RNF180: variants seen among roughly 807,000 people sequenced by gnomAD.
RNF180 encodes the protein ring finger protein 180, also known as E3 ubiquitin-protein ligase RNF180.
In RNF180, 38 loss-of-function variants were observed where a neutral mutation model predicts 59.2. The observed-to-expected ratio is 0.64, with a 90% CI of 0.50 to 0.84. The LOEUF (loss-of-function observed/expected upper bound fraction) is 0.84, where lower values mean the gene tolerates loss of function less well. Among genes scored for constraint, RNF180 ranks in the 40% least tolerant of loss-of-function variants. The pLI, the probability that RNF180 is intolerant of heterozygous loss-of-function variation, is 0.00. For missense variants in RNF180, 705 were observed against 700.9 expected (o/e 1.01, Z -0.07); for synonymous variants, 262 against 240.3 (o/e 1.09, Z -0.84).
chr5:64,266,792 T>C (rs1183897556), intron 5 of RNF180, among the ~76,000 whole-genome samples: 1 of 152,084 alleles, frequency 6.6e-6, no homozygotes, highest in Non-Finnish European at 1.5e-5. Flanking sequence ...GACAGATAGA[T>C]GTGTATTTAT....
chr5:64,244,277 G>A (rs540118362), intron 5 of RNF180, among the ~76,000 whole-genome samples: 1 of 152,170 alleles, frequency 6.6e-6, no homozygotes, highest in African/African-American at 2.4e-5. Flanking sequence ...CAGAAGGTGG[G>A]TAATAACAAA....
chr5:64,264,878 C>G (rs948487136), intron 5 of RNF180, among the ~76,000 whole-genome samples: 7 of 152,196 alleles, frequency 4.6e-5, no homozygotes, highest in Non-Finnish European at 8.8e-5. Context: ...TTCACATCCT[C>G]TCCAGCATCT....
intron 7 of RNF180, among the ~76,000 whole-genome samples, chr5:64,367,580 ATAAACT>A (rs1272801478): frequency 1.3e-5 from 2 of 151,632 alleles, no homozygotes; most frequent in Non-Finnish European, 3.0e-5. Flanking sequence ...TAATTTCCAA[ATAAACT>A]TAATACATAA....
At chr5:64,254,239 T>A (rs923335485) in intron 5 of RNF180, among the ~76,000 whole-genome samples, 3 of 152,190 alleles carry the variant, frequency 2.0e-5, no homozygotes, top group African/African-American at 4.8e-5. Context: ...TGTTTTAAGA[T>A]GCTAGTTAAG....
chr5:64,349,031 G>A (rs964103915), intron 7 of RNF180, among the ~76,000 whole-genome samples: 1 of 152,018 alleles, frequency 6.6e-6, no homozygotes, highest in Non-Finnish European at 1.5e-5. Context: ...AAAAAAGATT[G>A]CTAAATAAGT....
chr5:64,225,556 C>T (rs1374798623), intron 5 of RNF180, among the ~76,000 whole-genome samples: 1 of 142,426 alleles, frequency 7.0e-6, no homozygotes, highest in Non-Finnish European at 1.5e-5. Flanking sequence ...GCGCCTCTGC[C>T]TGGCTGCCCC....
At position 64,213,661 on chromosome 5, in the gene RNF180, CTG is replaced by C; in HGVS notation, c.337_338del (p.Val113ThrfsTer8). On this transcript the variant is annotated frameshift_variant, in exon 4 of 8. Transcript: ENST00000389100. LOFTEE classifies it high-confidence loss of function. ...AAATGTTCCTGTGGCCAGCTTGCAG[CTG>C]TACATCTCTCCAAGAGCCGGACTGA... The C allele has an allele frequency of 6.2e-7, 1 of 1,614,164 alleles. No individual in the cohort carries two copies.
intron 1 of RNF180, among the ~76,000 whole-genome samples, chr5:64,168,156 A>G (rs1749748747): frequency 6.6e-6 from 1 of 152,214 alleles, no homozygotes; most frequent in Admixed American, 6.5e-5. Flanking sequence ...ATTTCATGAT[A>G]ACATTCATAA....
intron 5 of RNF180, among the ~76,000 whole-genome samples, chr5:64,225,176 T>A (rs992510728): frequency 3.9e-5 from 6 of 152,268 alleles, no homozygotes; most frequent in Non-Finnish European, 8.8e-5. Context: ...CATTTTGGTC[T>A]GAGCTTAGTG....
chr5:64,292,157 A>C (rs535230325), intron 5 of RNF180, among the ~76,000 whole-genome samples: 27 of 152,204 alleles, frequency 1.8e-4, no homozygotes, highest in African/African-American at 6.5e-4. Flanking sequence ...GCCTCAGCCC[A>C]GTTCGTGCCC....
intron 5 of RNF180, among the ~76,000 whole-genome samples, chr5:64,221,367 ACAAT>A (rs1414014982): frequency 6.6e-6 from 1 of 152,138 alleles, no homozygotes; most frequent in African/African-American, 2.4e-5. Flanking sequence ...AGTAAAGAAG[ACAAT>A]CAATAGATTA....
At chr5:64,225,977 T>C (rs1741718816) in intron 5 of RNF180, among the ~76,000 whole-genome samples, 1 of 143,346 alleles carries the variant, frequency 7.0e-6, no homozygotes, top group African/African-American at 2.6e-5. Context: ...GGAGCGCCTC[T>C]GCCCGGCCGC....
chr5:64,206,193 T>C (rs1437589323), intron 2 of RNF180, among the ~76,000 whole-genome samples: 1 of 152,182 alleles, frequency 6.6e-6, no homozygotes, highest in Non-Finnish European at 1.5e-5. Context: ...AAAGAAATCG[T>C]TGGTCAACAT....
At chr5:64,367,972 C>CA (rs898143016) in intron 7 of RNF180, among the ~76,000 whole-genome samples, 25 of 150,540 alleles carry the variant, frequency 1.7e-4, no homozygotes, top group South Asian at 1.3e-3. Context: ...ATTGGTCAAC[C>CA]AAAAAAAACA....
chr5:64,260,172 A>G (rs1744244877), intron 5 of RNF180, among the ~76,000 whole-genome samples: 5 of 152,166 alleles, frequency 3.3e-5, no homozygotes, highest in Non-Finnish European at 1.5e-5. Context: ...ATTTCGCCCA[A>G]CAGACGTAAT....
chr5:64,241,929 C>T (rs1444060569), intron 5 of RNF180, among the ~76,000 whole-genome samples: 2 of 152,138 alleles, frequency 1.3e-5, no homozygotes, highest in Non-Finnish European at 2.9e-5. Flanking sequence ...CCCCACAGCC[C>T]CATGTTCCAG....
intron 5 of RNF180, among the ~76,000 whole-genome samples, chr5:64,238,867 G>A (rs764891489): frequency 6.6e-6 from 1 of 152,108 alleles, no homozygotes. Flanking sequence ...TTTTGTTTCT[G>A]TTGCCCATGC....
At chr5:64,205,043 A>G (rs1471550091) in intron 2 of RNF180, among the ~76,000 whole-genome samples, 1 of 152,142 alleles carries the variant, frequency 6.6e-6, no homozygotes, top group African/African-American at 2.4e-5. Context: ...CAGGAAATGG[A>G]AGTCTCACAT....
chr5:64,212,232 T>G, intron 3 of RNF180, 72 bp downstream of exon 3: 1 of 901,958 alleles, frequency 1.1e-6, no homozygotes, highest in Non-Finnish European at 1.8e-6. Context: ...CTTTTAGAGC[T>G]ATTTTTCTTA....
Sources: gnomAD v4.1 joint callset for allele counts (sites outside exome capture counted in the v4.1 genomes callset) on GRCh38, gnomAD v4.1.1 for gene constraint, MANE v1.5 for transcripts, NCBI Gene and HGNC (gene_info 2026-07-23, HGNC 2026-07-21) for gene names.